Variants in TNRC6B observed in about 807,000 individuals in gnomAD.
TNRC6B encodes the protein trinucleotide repeat containing adaptor 6B.
TNRC6B carries 52 observed loss-of-function variants against 203.6 expected under a neutral mutation model. That is an observed-to-expected ratio of 0.26 (90% CI 0.20 to 0.32). The LOEUF is 0.32. TNRC6B is among the 10% of genes least tolerant of loss of function. The probability of loss-of-function intolerance (pLI) is 1.00; values close to 1 mark genes in which losing one functional copy is unlikely to be tolerated. For synonymous variants in TNRC6B, 838 were observed against 845.7 expected (o/e 0.99, Z 0.16); for missense variants, 1,923 against 2,286.2 (o/e 0.84, Z 3.24).
chr22:40,268,127 GC>G (rs1215075109), intron 5 of TNRC6B, among the ~76,000 whole-genome samples: 1 of 152,158 alleles, frequency 6.6e-6, no homozygotes, highest in Admixed American at 6.5e-5. Flanking sequence ...TCACTCTGTT[GC>G]CCAGGCTGGA....
intron 1 of TNRC6B, among the ~76,000 whole-genome samples, chr22:40,077,151 C>T (rs1335776480): frequency 6.6e-6 from 1 of 151,912 alleles, no homozygotes; most frequent in Non-Finnish European, 1.5e-5. Flanking sequence ...TATACAGTAT[C>T]GTGCCTTGGA....
At chr22:40,286,763 G>A (rs542317823) in intron 12 of TNRC6B, among the ~76,000 whole-genome samples, 1 of 152,328 alleles carries the variant, frequency 6.6e-6, no homozygotes, top group East Asian at 1.9e-4. Flanking sequence ...GGGGATAAAG[G>A]TGAGAGATTT....
At chr22:40,150,182 C>T (rs1243081023) in intron 3 of TNRC6B, among the ~76,000 whole-genome samples, 1 of 152,002 alleles carries the variant, frequency 6.6e-6, no homozygotes, top group African/African-American at 2.4e-5. Flanking sequence ...TCAAGACCAT[C>T]CTGGCTAACA....
At chr22:40,311,022 A>G in intron 17 of TNRC6B, 29 bp downstream of exon 17, 1 of 1,585,856 alleles carries the variant, frequency 6.3e-7, no homozygotes, top group South Asian at 1.1e-5. Context: ...TTTTCCCAGG[A>G]TAGCATTTGT....
At chr22:40,217,641 A>G (rs993148892) in intron 1 of TNRC6B, among the ~76,000 whole-genome samples, 1 of 152,232 alleles carries the variant, frequency 6.6e-6, no homozygotes, top group Non-Finnish European at 1.5e-5. Flanking sequence ...GCACTGGTTT[A>G]GTCTGTCTGA....
At chr22:40,090,854 A>G (rs921104003) in intron 1 of TNRC6B, among the ~76,000 whole-genome samples, 1 of 152,228 alleles carries the variant, frequency 6.6e-6, no homozygotes, top group Non-Finnish European at 1.5e-5. Flanking sequence ...TCACTGATAC[A>G]GGAACCGGCT....
intron 1 of TNRC6B, among the ~76,000 whole-genome samples, chr22:40,056,596 C>G (rs1569245328): frequency 6.6e-6 from 1 of 151,962 alleles, no homozygotes; most frequent in South Asian, 2.1e-4. Context: ...GAGTTCGAGA[C>G]CAGCTTGAGC....
chr22:40,075,438 A>G (rs2068004622), intron 1 of TNRC6B, among the ~76,000 whole-genome samples: 1 of 151,678 alleles, frequency 6.6e-6, no homozygotes, highest in South Asian at 2.1e-4. Flanking sequence ...GTGTGATATT[A>G]ATATGGTCAC....
intron 4 of TNRC6B, among the ~76,000 whole-genome samples, chr22:40,160,051 A>C (rs2146356922): frequency 6.6e-6 from 1 of 152,272 alleles, no homozygotes; most frequent in South Asian, 2.1e-4. Context: ...CCTGGGCCCA[A>C]GCAGTCCTCC....
chr22:40,212,003 G>C (rs1048556654), intron 1 of TNRC6B, among the ~76,000 whole-genome samples: 7 of 152,174 alleles, frequency 4.6e-5, no homozygotes, highest in African/African-American at 1.7e-4. Flanking sequence ...TACAAATGTG[G>C]TTGTCTAATT....
intron 14 of TNRC6B, 55 bp from the exon 15 acceptor site, chr22:40,301,095 T>C (rs760252065): frequency 6.4e-7 from 1 of 1,558,354 alleles, no homozygotes; most frequent in Non-Finnish European, 8.7e-7. Flanking sequence ...GCACAGTCTT[T>C]TCCTGGGAAG....
intron 3 of TNRC6B, among the ~76,000 whole-genome samples, chr22:40,143,456 G>A (rs1048036314): frequency 2.0e-5 from 3 of 151,974 alleles, no homozygotes; most frequent in African/African-American, 4.8e-5. Context: ...ATAAGAATAT[G>A]GAAAACTATA....
At chr22:40,269,194 C>T (rs906023708) in intron 5 of TNRC6B, among the ~76,000 whole-genome samples, 9 of 125,126 alleles carry the variant, frequency 7.2e-5, no homozygotes, top group Admixed American at 2.0e-4. Flanking sequence ...AGTGCAGTGG[C>T]GCAATCTTGG....
rs541692203 is a variant in TNRC6B, at chr22:40,063,380, A to G, written c.-121+18382A>G. ...GAGTCCTCCAACTTTGTTCTTTTTCAAAATTGTTTTGGCCCTTCTGGATCC... is the reference window on the plus strand; with the variant it reads ...GAGTCCTCCAACTTTGTTCTTTTTCGAAATTGTTTTGGCCCTTCTGGATCC... On this transcript the variant is annotated intron_variant, in intron 1 of 23. Transcript: ENST00000301923. 1.1e-4 allele frequency among the ~76,000 whole-genome samples: 16 copies of G among 152,288 alleles called. No individual in the cohort carries two copies. In the South Asian group the frequency reaches 3.1e-3, roughly 30 times the overall value.
chr22:40,065,007 A>G (rs1000249237), intron 1 of TNRC6B, among the ~76,000 whole-genome samples: 1 of 151,056 alleles, frequency 6.6e-6, no homozygotes, highest in Non-Finnish European at 1.5e-5. Flanking sequence ...ATAATGGTCT[A>G]TAGCATTGTT....
At chr22:40,320,714 C>T (rs2071323773) in intron 21 of TNRC6B, among the ~76,000 whole-genome samples, 1 of 152,128 alleles carries the variant, frequency 6.6e-6, no homozygotes, top group Non-Finnish European at 1.5e-5. Flanking sequence ...AGGGGTAAGA[C>T]AGTGTTAGAA....
In TNRC6B at chr22:40,261,818, C is replaced by A; in HGVS notation, c.116-14C>A. 6.6e-7 allele frequency: 1 copy of A among 1,522,486 alleles called. No homozygotes were observed. Among genetic ancestry groups the A allele is most frequent in the Non-Finnish European group, 8.9e-7 (1 of 1,119,844 alleles). 94.3% of individuals were successfully genotyped at this position (1,522,486 alleles called of 1,614,324 possible). A position where few individuals can be genotyped will look rare whatever the true frequency, so the allele number is the denominator to read the frequency against. On this transcript the variant is annotated splice_polypyrimidine_tract_variant and intron_variant, in intron 3 of 22. Transcript: ENST00000454349. ...ATGTATTTCAAAGACTGTTTCCCAA[C>A]CCCTCTCTTTTAGTGCCCGAAGTGA...
Position 40,323,827 on chromosome 22 carries a change from A to G in TNRC6B, c.*586A>G, listed in dbSNP as rs1359977365. 1.3e-5 allele frequency: 2 copies of G among 152,244 alleles called. No individual in the cohort carries two copies. Among genetic ancestry groups the G allele is most frequent in the Non-Finnish European group, 2.9e-5 (2 of 68,580 alleles). The allele number at this position is 152,244 out of a possible 1,614,324, so 9.4% of individuals were successfully genotyped here. ...GAAAAAATTTGTGATTGGCTGGTTG[A>G]TAAATACCAGTGTGTTCTGGCACAT... On this transcript the variant is annotated 3_prime_UTR_variant, in exon 23 of 23. Transcript: ENST00000454349.
intron 15 of TNRC6B, among the ~76,000 whole-genome samples, chr22:40,306,662 A>T (rs974054557): frequency 2.0e-5 from 3 of 152,162 alleles, no homozygotes; most frequent in Non-Finnish European, 2.9e-5. Flanking sequence ...AAAGAAATTT[A>T]AAAATGCCTC....
Sources: allele counts gnomAD v4.1 joint callset (sites outside exome capture counted in the v4.1 genomes callset), GRCh38; gene constraint gnomAD v4.1.1; transcripts MANE v1.5; gene names NCBI Gene and HGNC (gene_info 2026-07-23, HGNC 2026-07-21).